HHIPL1: variants seen among roughly 807,000 people sequenced by gnomAD.
HHIPL1 encodes HHIP-like protein 1.
A neutral mutation model predicts 61.8 loss-of-function variants in HHIPL1; 43 were observed. That is an observed-to-expected ratio of 0.70 (90% CI 0.55 to 0.90). The LOEUF (loss-of-function observed/expected upper bound fraction) is 0.90. Among genes scored for constraint, HHIPL1 ranks in the 40% least tolerant of loss-of-function variants. The probability of loss-of-function intolerance (pLI) is 0.00; values close to 1 mark genes in which losing one functional copy is unlikely to be tolerated. For synonymous variants in HHIPL1, 482 were observed against 515.8 expected (o/e 0.93, Z 0.89); for missense variants, 1,056 against 1,157.7 (o/e 0.91, Z 1.28).
the HHIPL1 span, among the ~76,000 whole-genome samples, chr14:99,628,798 C>A: frequency 6.6e-6 from 1 of 152,128 alleles, no homozygotes; most frequent in Non-Finnish European, 1.5e-5. Context: ...CAGCTCTCTT[C>A]CCCTCTCGGG....
At chr14:99,648,288 C>T (rs1357494101) in intron 1 of HHIPL1, among the ~76,000 whole-genome samples, 1 of 152,212 alleles carries the variant, frequency 6.6e-6, no homozygotes, top group Non-Finnish European at 1.5e-5. Context: ...CATACATCTT[C>T]TCCATTTGTT....
Position 99,668,768 on chromosome 14 carries a change from T to C in HHIPL1, c.1730+465T>C, listed in dbSNP as rs1301416387. On this transcript the variant is annotated intron_variant, in intron 7 of 8. Transcript: ENST00000330710. The surrounding 1 kb of genome is among the most constrained non-coding windows in gnomAD (Gnocchi z 4.7). ...CCTGCCCTTCCTCCTGTGGTCCATC[T>C]TCCACTGGGGAAAACACATTGGGGC... The C allele has an allele frequency of 6.5e-7, 1 of 1,531,810 alleles. No individual in the cohort carries two copies. Among genetic ancestry groups the C allele is most frequent in the Non-Finnish European group, 8.9e-7 (1 of 1,128,216 alleles). 94.9% of individuals were successfully genotyped at this position (1,531,810 alleles called of 1,614,324 possible). A position where few individuals can be genotyped will look rare whatever the true frequency, so the allele number is the denominator to read the frequency against.
At chr14:99,674,883 C>CGGA (rs934908033) in intron 8 of HHIPL1, among the ~76,000 whole-genome samples, 3 of 152,138 alleles carry the variant, frequency 2.0e-5, no homozygotes, top group African/African-American at 4.8e-5. Flanking sequence ...GAGTCCAGGC[C>CGGA]GGCATCTTGC....
At chr14:99,640,092 A>G in the HHIPL1 span, among the ~76,000 whole-genome samples, 1 of 152,194 alleles carries the variant, frequency 6.6e-6, no homozygotes, top group African/African-American at 2.4e-5. Context: ...TCTATTGATT[A>G]TACTTGTTCT....
intron 7 of HHIPL1, chr14:99,669,012 C>A: frequency 6.6e-7 from 1 of 1,523,654 alleles, no homozygotes. Flanking sequence ...GCCCTAACCC[C>A]TTGGCTGTGT....
At position 99,672,270 on chromosome 14, in the gene HHIPL1, G is replaced by T. The variant is rs772053509; in HGVS notation, c.1731-47G>T. 6 of 1,504,038 alleles carry T rather than the reference G, an allele frequency of 4.0e-6. No homozygotes were observed. The South Asian group carries it at 6.0e-5, about 15-fold the overall frequency. The allele number at this position is 1,504,038 out of a possible 1,614,324, so 93.2% of individuals were successfully genotyped here. The stretch of plus-strand genomic sequence containing the variant: ...ACTGTAGAGAAAAGGCACCCTCAGG[G>T]TGGGCTCCCAGGGTGAGACTCATAA... On this transcript the variant is annotated intron_variant, in intron 7 of 8. Transcript: ENST00000330710.
chr14:99,645,718 G>A (rs1448826954), intron 1 of HHIPL1, among the ~76,000 whole-genome samples: 1 of 152,240 alleles, frequency 6.6e-6, no homozygotes, highest in Non-Finnish European at 1.5e-5. Context: ...AAGGACGGAC[G>A]GACGGACAGA....
Position 99,645,435 on chromosome 14 carries a change from C to G in HHIPL1, c.228C>G (p.Ala76=). The change falls in exon 1 of 9, where the codon GCC becomes GCG. Residue 76 remains alanine (A), a synonymous_variant. Coordinates refer to ENST00000330710, the MANE Select transcript of HHIPL1 (RefSeq NM_001127258.3). ...ACGCCGCCGAGTGGGCCGCGTGCGC[C>G]GGCTACGCGAGGGACCTGCTGTGCC... ...RVDAAEWAAC[A]GYARDLLCQE... The G allele has an allele frequency of 7.4e-7, 1 of 1,358,940 alleles. No homozygotes were observed. Among genetic ancestry groups the G allele is most frequent in the Non-Finnish European group, 9.4e-7 (1 of 1,060,870 alleles). 84.2% of individuals were successfully genotyped at this position (1,358,940 alleles called of 1,614,324 possible). A position where few individuals can be genotyped will look rare whatever the true frequency, so the allele number is the denominator to read the frequency against.
chr14:99,657,759 A>G (rs2056073666), intron 3 of HHIPL1, among the ~76,000 whole-genome samples: 1 of 151,726 alleles, frequency 6.6e-6, no homozygotes, highest in African/African-American at 2.4e-5. Context: ...AAACACACAT[A>G]CACACATGCA....
At position 99,660,406 on chromosome 14, in the gene HHIPL1, G is replaced by C. The variant is rs1196663632; in HGVS notation, c.1502G>C (p.Gly501Ala). 1.2e-6 allele frequency: 2 copies of C among 1,612,374 alleles called. No individual in the cohort carries two copies. The highest frequency in any genetic ancestry group is 2.2e-5 in the East Asian group (1 of 44,798). The part of the protein sequence containing the change: ...GLYIFGDFMS[G>A]RLMSLQENPG... Reference sequence around the variant, plus strand: ...TACATTTTTGGGGATTTCATGAGCGGGTAAGTGACCTAGTGCCCTCGCGCC... The same window carrying C: ...TACATTTTTGGGGATTTCATGAGCGCGTAAGTGACCTAGTGCCCTCGCGCC... The change falls in exon 5 of 9, where the codon GGG (glycine) becomes GCG (alanine). Residue 501 changes from glycine (G) to alanine (A), a missense_variant and splice_region_variant. Coordinates refer to ENST00000330710, the MANE Select transcript of HHIPL1 (RefSeq NM_001127258.3). This position sits in a 1 kb window ranked among gnomAD's most constrained non-coding sequence, Gnocchi z 4.9.
At chr14:99,650,048 C>T (rs2055901053) in intron 1 of HHIPL1, among the ~76,000 whole-genome samples, 1 of 152,228 alleles carries the variant, frequency 6.6e-6, no homozygotes, top group South Asian at 2.1e-4. Flanking sequence ...CTGACCAGGA[C>T]CCCAAGACAT....
chr14:99,658,606 C>T (rs1229405323), intron 3 of HHIPL1, among the ~76,000 whole-genome samples: 1 of 146,942 alleles, frequency 6.8e-6, no homozygotes, highest in East Asian at 1.9e-4. Flanking sequence ...CTGATGCATT[C>T]AGTCGGTGCA....
the HHIPL1 span, among the ~76,000 whole-genome samples, chr14:99,638,182 C>T: frequency 6.6e-6 from 1 of 152,186 alleles, no homozygotes; most frequent in Non-Finnish European, 1.5e-5. Context: ...ATCCCGGCTA[C>T]CAGAGTGGCA....
At chr14:99,641,481 C>A (rs549262529), upstream of HHIPL1, among the ~76,000 whole-genome samples, 1 of 150,940 alleles carries the variant, frequency 6.6e-6, no homozygotes, top group South Asian at 2.1e-4. Flanking sequence ...TGGTGCAATC[C>A]CAGCTCACTG....
intron 8 of HHIPL1, among the ~76,000 whole-genome samples, chr14:99,673,937 G>A (rs1304769125): frequency 2.7e-5 from 4 of 147,790 alleles, no homozygotes; most frequent in African/African-American, 1.0e-4. Flanking sequence ...GGTTCACTCA[G>A]GAGGGTGCAC....
the HHIPL1 span, among the ~76,000 whole-genome samples, chr14:99,630,988 A>G: frequency 1.3e-5 from 2 of 151,748 alleles, no homozygotes; most frequent in Non-Finnish European, 2.9e-5. Flanking sequence ...CCCAAATCCT[A>G]CTGGATAAGG....
At chr14:99,613,123 G>C in the HHIPL1 span, among the ~76,000 whole-genome samples, 1 of 151,976 alleles carries the variant, frequency 6.6e-6, no homozygotes, top group South Asian at 2.1e-4. Flanking sequence ...AGGCCTTGTC[G>C]TGACCTGCCC....
chr14:99,666,558 C>T (rs567224015), intron 6 of HHIPL1, among the ~76,000 whole-genome samples: 8 of 152,330 alleles, frequency 5.3e-5, no homozygotes, highest in African/African-American at 1.9e-4. Context: ...CTGGACACCT[C>T]CCAGAGTGGG....
Position 99,676,387 on chromosome 14 carries a change from C to T in HHIPL1, c.*761C>T, listed in dbSNP as rs2056392939. The T allele has an allele frequency of 6.6e-6, 1 of 152,448 alleles. No individual in the cohort carries two copies. 9.4% of individuals were successfully genotyped at this position (152,448 alleles called of 1,614,324 possible). A position where few individuals can be genotyped will look rare whatever the true frequency, so the allele number is the denominator to read the frequency against. ...CTGGGATGGGACCAGCCTCCTCCAA[C>T]CCTGAGGCCTGATTCTCTCTTGCTC... On this transcript the variant is annotated 3_prime_UTR_variant, in exon 9 of 9. Transcript: ENST00000330710.
Sources: allele counts gnomAD v4.1 joint callset (sites outside exome capture counted in the v4.1 genomes callset), GRCh38; gene constraint gnomAD v4.1.1; non-coding constraint Gnocchi (gnomAD v3.1); transcripts MANE v1.5; gene names NCBI Gene and HGNC (gene_info 2026-07-23, HGNC 2026-07-21).